The following IQGAP2 variants were observed in gnomAD, a reference collection of about 807,000 sequenced individuals.
IQGAP2 encodes IQ motif containing GTPase activating protein 2, also known as ras GTPase-activating-like protein IQGAP2.
A neutral mutation model predicts 201.3 loss-of-function variants in IQGAP2; 173 were observed. The observed-to-expected ratio is 0.86, with a 90% CI of 0.76 to 0.98. IQGAP2 has a LOEUF of 0.98. Ranked by LOEUF, IQGAP2 falls within the 50% of genes least tolerant of loss-of-function variation. The pLI is 0.00. For synonymous variants in IQGAP2, 675 were observed against 673.9 expected, an observed-to-expected ratio of 1.00 and a Z score of -0.03; for missense variants, 1,687 against 1,864.8, an observed-to-expected ratio of 0.90 and a Z score of 1.76.
rs748734889 is a variant in IQGAP2, at chr5:76,509,042, TGTGTG to T, written c.146+47374_146+47378del. ...GGCTGTATATATATGTGTGTGTGTG[TGTGTG>T]TGTGTGTGTGTATGTATGTATGTGT... On this transcript the variant is annotated intron_variant, in intron 2 of 35. Transcript: ENST00000274364. Among the ~76,000 whole-genome samples the T allele has an allele frequency of 2.0e-3, 306 of 151,088 alleles. 1 individual carries two copies. The highest frequency in any genetic ancestry group is 6.9e-3 in the African/African-American group (285 of 41,210).
At chr5:76,441,519 A>G (rs889213355) in intron 1 of IQGAP2, 9 of 985,228 alleles carry the variant, frequency 9.1e-6, no homozygotes, top group East Asian at 1.1e-4. Flanking sequence ...GCATGTTGGT[A>G]AGAGAAGGTA....
rs1748054841 is a variant in IQGAP2, at chr5:76,708,013, G to A, written c.*700G>A. 1 of 152,560 alleles carries A rather than the reference G, an allele frequency of 6.6e-6. No homozygotes were observed. Among genetic ancestry groups the A allele is most frequent in the African/African-American group, 2.4e-5 (1 of 41,416 alleles). The allele number at this position is 152,560 out of a possible 1,614,324, so 9.5% of individuals were successfully genotyped here. ...CACCTCCACCCCTCACAATTTATTT[G>A]AATACTTCAATTGTGCCTCTCAATT... On this transcript the variant is annotated 3_prime_UTR_variant, in exon 36 of 36. Coordinates refer to ENST00000274364, the MANE Select transcript of IQGAP2 (RefSeq NM_006633.5).
intron 16 of IQGAP2, among the ~76,000 whole-genome samples, chr5:76,639,806 A>T (rs114685606): frequency 0.026 from 3,888 of 152,264 alleles, 57 homozygotes; most frequent in Non-Finnish European, 0.039. Context: ...CAGTTTATTG[A>T]CTCATTTCAG....
At chr5:76,670,059 G>A (rs899850486) in intron 23 of IQGAP2, among the ~76,000 whole-genome samples, 8 of 152,118 alleles carry the variant, frequency 5.3e-5, no homozygotes, top group Non-Finnish European at 1.2e-4. Flanking sequence ...CTGACTTCAG[G>A]GGGATAGGTC....
rs1416209086 is a variant in IQGAP2 at position 76,702,992 on chromosome 5, G to T, written c.4614+402G>T. Among the ~76,000 whole-genome samples, 3 of 106,106 alleles carry T rather than the reference G, an allele frequency of 2.8e-5. 1 individual carries two copies. The highest frequency in any genetic ancestry group is 3.7e-5 in the African/African-American group (1 of 26,780). The allele number at this position is 106,106 out of a possible 152,430, so 69.6% of individuals were successfully genotyped here. On this transcript the variant is annotated intron_variant, in intron 35 of 35. Coordinates refer to ENST00000274364, the MANE Select transcript of IQGAP2 (RefSeq NM_006633.5). ...TCATTTTTCCCTCTCTCCTAGAATG[G>T]TTTTTCTTTTTTGTGGGGGGAGGGG...
intron 24 of IQGAP2, among the ~76,000 whole-genome samples, chr5:76,672,521 C>T (rs571865352): frequency 2.0e-5 from 3 of 152,130 alleles, no homozygotes; most frequent in Non-Finnish European, 4.4e-5. Flanking sequence ...AAATATTTAG[C>T]TTTGAGGGAT....
intron 1 of IQGAP2, chr5:76,404,281 G>A (rs893730653): frequency 3.6e-4 from 59 of 166,018 alleles, no homozygotes; most frequent in African/African-American, 1.4e-3. Context: ...GAACGAGATG[G>A]TGTCGATTAC....
intron 2 of IQGAP2, among the ~76,000 whole-genome samples, chr5:76,510,154 C>T (rs1170843153): frequency 1.3e-5 from 2 of 152,070 alleles, no homozygotes; most frequent in African/African-American, 4.8e-5. Flanking sequence ...CACCCGCCAC[C>T]ATGCCCGGCT....
At position 76,623,501 on chromosome 5, in the gene IQGAP2, C is replaced by T. The variant is rs1749924902; in HGVS notation, c.1522-3909C>T. ...GAAAGGCATTTAACTCTTACCCACCCCCAACAATCTATTCTGAATAGGTGC... is the reference window on the plus strand; with the variant it reads ...GAAAGGCATTTAACTCTTACCCACCTCCAACAATCTATTCTGAATAGGTGC... On this transcript the variant is annotated intron_variant, in intron 13 of 35. Transcript: ENST00000274364. 2.4e-5 allele frequency: 11 copies of T among 454,176 alleles called. No individual in the cohort carries two copies. The Admixed American group carries it at 3.1e-4, about 13-fold the overall frequency. 28.1% of individuals were successfully genotyped at this position (454,176 alleles called of 1,614,324 possible).
At chr5:76,515,040 G>A (rs1196366047) in intron 2 of IQGAP2, among the ~76,000 whole-genome samples, 1 of 152,126 alleles carries the variant, frequency 6.6e-6, no homozygotes, top group African/African-American at 2.4e-5. Context: ...TTTGATCACT[G>A]GCATATTATA....
chr5:76,553,753 A>G (rs1261059719), intron 2 of IQGAP2, among the ~76,000 whole-genome samples: 1 of 152,236 alleles, frequency 6.6e-6, no homozygotes, highest in Non-Finnish European at 1.5e-5. Context: ...TAAGATGCTC[A>G]TAAGAAATAG....
intron 17 of IQGAP2, among the ~76,000 whole-genome samples, chr5:76,648,444 A>G (rs1580717878): frequency 6.6e-6 from 1 of 152,194 alleles, no homozygotes; most frequent in Non-Finnish European, 1.5e-5. Flanking sequence ...AACTACCGAC[A>G]TTACCTAAGG....
At chr5:76,507,900 T>C (rs1337327901) in intron 2 of IQGAP2, among the ~76,000 whole-genome samples, 1 of 148,564 alleles carries the variant, frequency 6.7e-6, no homozygotes, top group African/African-American at 2.5e-5. Flanking sequence ...TCCTAGCTAC[T>C]CAGGAAGCTG....
intron 2 of IQGAP2, among the ~76,000 whole-genome samples, chr5:76,540,917 A>T (rs558174153): frequency 6.6e-6 from 1 of 152,342 alleles, no homozygotes; most frequent in African/African-American, 2.4e-5. Flanking sequence ...GATAGTGCTT[A>T]TTCCTGTATT....
rs540744402 is a variant in IQGAP2, at chr5:76,667,877, CTTTTTTTT to C, written c.2680-788_2680-781del. Among the ~76,000 whole-genome samples, 285 of 123,404 alleles carry C rather than the reference CTTTTTTTT, an allele frequency of 2.3e-3. 2 individuals carry two copies. The highest frequency in any genetic ancestry group is 4.8e-3 in the Middle Eastern group (1 of 210). The allele number at this position is 123,404 out of a possible 152,430, so 81.0% of individuals were successfully genotyped here. A position where few individuals can be genotyped will look rare whatever the true frequency, so the allele number is the denominator to read the frequency against. On this transcript the variant is annotated intron_variant, in intron 22 of 35. Transcript: ENST00000274364. Reference sequence around the variant, plus strand: ...TGTAGCCGGGCCCTTAGTCCACTTTCTTTTTTTTTTTTTTTTTTTTTTTGATACAGAGT... The same window carrying C: ...TGTAGCCGGGCCCTTAGTCCACTTTCTTTTTTTTTTTTTTTGATACAGAGT...
At chr5:76,574,444 C>A (rs1458775003) in intron 4 of IQGAP2, among the ~76,000 whole-genome samples, 1 of 152,102 alleles carries the variant, frequency 6.6e-6, no homozygotes, top group African/African-American at 2.4e-5. Flanking sequence ...GCTGGGATTA[C>A]AGGCATGCAC....
In IQGAP2 at chr5:76,665,609, C is replaced by T. The variant is rs544634127; in HGVS notation, c.2679+434C>T. Among the ~76,000 whole-genome samples, 3 of 152,152 alleles carry T rather than the reference C, an allele frequency of 2.0e-5. No homozygotes were observed. In the South Asian group the frequency reaches 6.2e-4, roughly 32 times the overall value. On this transcript the variant is annotated intron_variant, in intron 22 of 35. Coordinates refer to ENST00000274364, the MANE Select transcript of IQGAP2 (RefSeq NM_006633.5). ...CTGTATGTGAAAAACAGATATTTAC[C>T]AGAACCAGTCTCCCCTTCTATGGGG...
At chr5:76,549,479 G>A (rs993857210) in intron 2 of IQGAP2, among the ~76,000 whole-genome samples, 1 of 151,974 alleles carries the variant, frequency 6.6e-6, no homozygotes, top group African/African-American at 2.4e-5. Context: ...AATAAATGCA[G>A]TGAAGAGAAA....
intron 1 of IQGAP2, among the ~76,000 whole-genome samples, chr5:76,428,001 G>A (rs746027795): frequency 6.6e-6 from 1 of 152,202 alleles, no homozygotes; most frequent in Non-Finnish European, 1.5e-5. Flanking sequence ...ACTGAGGGGA[G>A]CATTTTAACA....
Sources: gnomAD v4.1 joint callset for allele counts (sites outside exome capture counted in the v4.1 genomes callset) on GRCh38, gnomAD v4.1.1 for gene constraint, MANE v1.5 for transcripts, NCBI Gene and HGNC (gene_info 2026-07-23, HGNC 2026-07-21) for gene names.